The following GRIK2 variants were observed in gnomAD, a reference collection of about 807,000 sequenced individuals.
GRIK2 encodes glutamate receptor ionotropic, kainate 2.
Under a neutral mutation model 100.3 loss-of-function variants are expected in GRIK2, and 32 were observed. That is an observed-to-expected ratio of 0.32 (90% CI 0.24 to 0.43). The LOEUF (loss-of-function observed/expected upper bound fraction) is 0.43, where lower values mean the gene tolerates loss of function less well. Ranked by LOEUF, GRIK2 falls within the 20% of genes least tolerant of loss-of-function variation. The probability of loss-of-function intolerance (pLI) is 1.00; values close to 1 mark genes in which losing one functional copy is unlikely to be tolerated. For missense variants in GRIK2, 843 were observed against 1,114.9 expected (o/e 0.76, Z 3.47); for synonymous variants, 417 against 389.4 (o/e 1.07, Z -0.83).
At chr6:101,621,914 G>A (rs1398273300) in intron 2 of GRIK2, 35 bp from the exon 3 acceptor site, 1 of 1,460,674 alleles carries the variant, frequency 6.8e-7, no homozygotes, top group Non-Finnish European at 9.6e-7. Flanking sequence ...GTTTATTCTT[G>A]TAAAATTTAT....
In GRIK2 at chr6:101,732,522, G is replaced by T. The variant is rs558832201; in HGVS notation, c.951+46169G>T. ...TTCATGGTTCATTTTTATAAAACTC[G>T]ATTACAAATAATGCGCTGTGGAATT... On this transcript the variant is annotated intron_variant, in intron 7 of 16. Transcript: ENST00000369134. 3.9e-5 allele frequency among the ~76,000 whole-genome samples: 6 copies of T among 151,972 alleles called. No individual in the cohort carries two copies. In the South Asian group the frequency reaches 1.0e-3, roughly 26 times the overall value.
intron 2 of GRIK2, among the ~76,000 whole-genome samples, chr6:101,565,915 TTATATATATATA>T (rs71797313): frequency 8.1e-6 from 1 of 123,338 alleles, no homozygotes; most frequent in Non-Finnish European, 1.6e-5. Context: ...TATACCTATT[TTATATATATATA>T]TATATGTGTA....
At chr6:101,841,456 C>T (rs1009883811) in intron 10 of GRIK2, among the ~76,000 whole-genome samples, 4 of 151,990 alleles carry the variant, frequency 2.6e-5, no homozygotes, top group East Asian at 1.9e-4. Context: ...CTCTGCCCCC[C>T]AGGTTCAAGC....
At chr6:102,018,798 G>T (rs549331102) in intron 14 of GRIK2, among the ~76,000 whole-genome samples, 2 of 152,152 alleles carry the variant, frequency 1.3e-5, no homozygotes, top group East Asian at 3.9e-4. Context: ...CTCCTTAAAT[G>T]CTGGGCTGGA....
intron 12 of GRIK2, among the ~76,000 whole-genome samples, chr6:101,910,940 G>T (rs572994140): frequency 1.3e-5 from 2 of 150,290 alleles, no homozygotes; most frequent in South Asian, 4.2e-4. Flanking sequence ...CTTTATCTAA[G>T]ATAATTTTTG....
At position 101,841,758 on chromosome 6, in the gene GRIK2, C is replaced by T. The variant is rs143117841; in HGVS notation, c.1318-17529C>T. 3.3e-5 allele frequency among the ~76,000 whole-genome samples: 5 copies of T among 152,256 alleles called. No individual in the cohort carries two copies. In the East Asian group the frequency reaches 7.7e-4, roughly 24 times the overall value. On this transcript the variant is annotated intron_variant, in intron 10 of 16. Transcript: ENST00000369134. ...AAGTTAGACTCTGACGATTTTGAAG[C>T]CCTTACAAATATTTATAATGGAATT...
intron 14 of GRIK2, among the ~76,000 whole-genome samples, chr6:101,931,949 A>G (rs1382303289): frequency 6.6e-6 from 1 of 152,124 alleles, no homozygotes; most frequent in African/African-American, 2.4e-5. Flanking sequence ...CGGGCTAACC[A>G]TTATGCAACA....
chr6:101,846,432 A>C (rs2128437667), intron 10 of GRIK2, among the ~76,000 whole-genome samples: 1 of 152,176 alleles, frequency 6.6e-6, no homozygotes, highest in South Asian at 2.1e-4. Flanking sequence ...TATTTTGTTG[A>C]GAAGTTTTAC....
At chr6:101,994,306 ATTTTTAG>A (rs1244165613) in intron 14 of GRIK2, among the ~76,000 whole-genome samples, 1 of 151,326 alleles carries the variant, frequency 6.6e-6, no homozygotes, top group African/African-American at 2.4e-5. Flanking sequence ...CTTCCTTTGT[ATTTTTAG>A]TACATAATGT....
intron 16 of GRIK2, among the ~76,000 whole-genome samples, chr6:102,060,983 T>C (rs1330468067): frequency 1.3e-5 from 2 of 150,592 alleles, no homozygotes; most frequent in African/African-American, 4.8e-5. Context: ...ATTGTTTTTA[T>C]ATCACTGCCT....
At chr6:101,461,823 A>G (rs1459421749) in intron 2 of GRIK2, among the ~76,000 whole-genome samples, 1 of 152,200 alleles carries the variant, frequency 6.6e-6, no homozygotes, top group Non-Finnish European at 1.5e-5. Context: ...ATTGGGATAA[A>G]GAAAAGAACT....
intron 4 of GRIK2, among the ~76,000 whole-genome samples, chr6:101,638,165 C>T (rs556053754): frequency 8.4e-4 from 126 of 150,682 alleles, no homozygotes; most frequent in African/African-American, 3.1e-3. Flanking sequence ...CCTATTTATT[C>T]ATTTACTGAT....
At chr6:101,928,716 C>A in intron 14 of GRIK2, 84 bp downstream of exon 14, 2 of 730,648 alleles carry the variant, frequency 2.7e-6, no homozygotes, top group Admixed American at 1.9e-5. Context: ...AAGAGTGTAA[C>A]AACGCCATTA....
In GRIK2 at chr6:101,871,526, C is replaced by T. The variant is rs988244217; in HGVS notation, c.1524+12033C>T. 1.3e-4 allele frequency among the ~76,000 whole-genome samples: 20 copies of T among 150,834 alleles called. 1 individual carries two copies. The highest frequency in any genetic ancestry group is 4.7e-4 in the African/African-American group (19 of 40,438). On this transcript the variant is annotated intron_variant, in intron 11 of 16. Transcript: ENST00000369134. ...CAGTAGGTAGTTTTTCAACATTTGC[C>T]CCCTTTGCCCCAACTCTAGTAATCC...
chr6:101,496,291 C>G (rs1773441456), intron 2 of GRIK2, among the ~76,000 whole-genome samples: 1 of 152,088 alleles, frequency 6.6e-6, no homozygotes, highest in Non-Finnish European at 1.5e-5. Context: ...ACTATGCCTA[C>G]ATGACCAAAA....
chr6:101,873,368 A>G (rs1482672941), intron 11 of GRIK2, among the ~76,000 whole-genome samples: 2 of 150,898 alleles, frequency 1.3e-5, no homozygotes, highest in Non-Finnish European at 2.9e-5. Flanking sequence ...TCCTTGTAAT[A>G]GTTTGCTGAG....
chr6:101,602,078 T>TA (rs1779241651), intron 2 of GRIK2, among the ~76,000 whole-genome samples: 1 of 151,800 alleles, frequency 6.6e-6, no homozygotes, highest in African/African-American at 2.4e-5. Context: ...ACTTTAGTCT[T>TA]AACTCTGTTT....
chr6:101,760,734 T>G (rs1777591721), intron 7 of GRIK2, among the ~76,000 whole-genome samples: 1 of 133,612 alleles, frequency 7.5e-6, no homozygotes, highest in Non-Finnish European at 1.6e-5. Context: ...AATTATATAA[T>G]TATATATTTA....
At position 102,068,900 on chromosome 6, in the gene GRIK2, A is replaced by C. The variant is rs2114547062; in HGVS notation, c.*389A>C. On this transcript the variant is annotated 3_prime_UTR_variant, in exon 17 of 17. Transcript: ENST00000369134. Reference sequence around the variant, plus strand: ...CCAATAAAAGTGTCACTAAGAATATAAATATTTGGAATCAGCAAAAACTGT... The same window carrying C: ...CCAATAAAAGTGTCACTAAGAATATCAATATTTGGAATCAGCAAAAACTGT... 5.9e-6 allele frequency: 1 copy of C among 170,512 alleles called. No homozygotes were observed. The allele number at this position is 170,512 out of a possible 1,614,324, so 10.6% of individuals were successfully genotyped here. A position where few individuals can be genotyped will look rare whatever the true frequency, so the allele number is the denominator to read the frequency against.
Sources: gnomAD v4.1 joint callset for allele counts (sites outside exome capture counted in the v4.1 genomes callset) on GRCh38, gnomAD v4.1.1 for gene constraint, MANE v1.5 for transcripts, NCBI Gene and HGNC (gene_info 2026-07-23, HGNC 2026-07-21) for gene names.